Variants in ANKRD13C observed in about 807,000 individuals in gnomAD.
ANKRD13C encodes the protein ankyrin repeat domain 13C.
Under a neutral mutation model 65.5 loss-of-function variants are expected in ANKRD13C, and 16 were observed. The ratio of observed to expected loss-of-function variants is 0.24; its 90% CI spans 0.17 to 0.37. The LOEUF (loss-of-function observed/expected upper bound fraction) is 0.37, where lower values mean the gene tolerates loss of function less well. ANKRD13C is among the 10% of genes least tolerant of loss of function. The pLI, the probability that ANKRD13C is intolerant of heterozygous loss-of-function variation, is 1.00. For missense variants in ANKRD13C, 503 were observed against 655.9 expected, an observed-to-expected ratio of 0.77 and a Z score of 2.55; for synonymous variants, 235 against 238.7, an observed-to-expected ratio of 0.98 and a Z score of 0.14.
At chr1:70,288,712 TAG>T (rs1355869265) in intron 9 of ANKRD13C, among the ~76,000 whole-genome samples, 1 of 152,114 alleles carries the variant, frequency 6.6e-6, no homozygotes, top group Non-Finnish European at 1.5e-5. Context: ...AAGAACAGAT[TAG>T]TGATTGCCAG....
rs918268025 is a variant in ANKRD13C at position 70,327,912 on chromosome 1, A to G, written c.473-2955T>C. The stretch of plus-strand genomic sequence containing the variant: ...AAACCTGTCTCTACTAAAATACAAA[A>G]AAATTAGCCAGGCATGTTGGAACTG... On this transcript the variant is annotated intron_variant, in intron 2 of 12. Transcript: ENST00000370944. Among the ~76,000 whole-genome samples the G allele has an allele frequency of 1.1e-4, 16 of 152,164 alleles. No homozygotes were observed. The South Asian group carries it at 2.9e-3, about 28-fold the overall frequency.
At position 70,300,848 on chromosome 1, in the gene ANKRD13C, G is replaced by A; in HGVS notation, c.837C>T (p.Phe279=). 1 of 1,613,736 alleles carries A rather than the reference G, an allele frequency of 6.2e-7. No homozygotes were observed. The highest frequency in any genetic ancestry group is 1.6e-4 in the Middle Eastern group (1 of 6,062). Residue 279 remains phenylalanine, a synonymous_variant, in exon 7 of 13, where the codon TTC becomes TTT. Coordinates refer to ENST00000370944, the MANE Select transcript of ANKRD13C (RefSeq NM_030816.5). Reference sequence around the variant, plus strand: ...AGGGCGCCGCATCCCCATTGAAAATGAAGCTTAGATCCCCTCGTTGGCACT... The same window carrying A: ...AGGGCGCCGCATCCCCATTGAAAATAAAGCTTAGATCCCCTCGTTGGCACT... ...DMKCQRGDLS[F]IFNGDAAPSE...
intron 9 of ANKRD13C, among the ~76,000 whole-genome samples, chr1:70,282,569 A>G (rs1679444691): frequency 6.6e-6 from 1 of 152,184 alleles, no homozygotes; most frequent in African/African-American, 2.4e-5. Flanking sequence ...CATAACCAAT[A>G]CCAAATTCCA....
chr1:70,301,262 C>T (rs1352926923), intron 6 of ANKRD13C, among the ~76,000 whole-genome samples: 3 of 151,746 alleles, frequency 2.0e-5, no homozygotes, highest in Non-Finnish European at 4.4e-5. Flanking sequence ...AGATGTTTCC[C>T]CATATTTGGG....
At position 70,354,223 on chromosome 1, in the gene ANKRD13C, C is replaced by T. The variant is rs1313378955; in HGVS notation, c.186G>A (p.Gln62=). The T allele has an allele frequency of 3.7e-6, 6 of 1,613,680 alleles. No homozygotes were observed. Among genetic ancestry groups the T allele is most frequent in the Non-Finnish European group, 5.1e-6 (6 of 1,180,026 alleles). The change falls in exon 1 of 13, where the codon CAG becomes CAA. Residue 62 remains glutamine, a synonymous_variant. Transcript: ENST00000370944. ...TGGAGGAGGCCGGAGCTGCCTTCAGCTGTAGCCGGTGGTGATGGTTACTGA... is the reference window on the plus strand; with the variant it reads ...TGGAGGAGGCCGGAGCTGCCTTCAGTTGTAGCCGGTGGTGATGGTTACTGA... The part of the protein sequence containing the change: ...KIFSNHHHRL[Q]LKAAPASSNP...
At chr1:70,349,996 T>C (rs1479412074) in intron 1 of ANKRD13C, among the ~76,000 whole-genome samples, 1 of 151,898 alleles carries the variant, frequency 6.6e-6, no homozygotes, top group Non-Finnish European at 1.5e-5. Flanking sequence ...ATACAAAAAT[T>C]AGCCGGTGTG....
At chr1:70,328,629 T>G (rs1681652260) in intron 2 of ANKRD13C, among the ~76,000 whole-genome samples, 1 of 152,114 alleles carries the variant, frequency 6.6e-6, no homozygotes, top group African/African-American at 2.4e-5. Flanking sequence ...GCCATTACAC[T>G]CTGGCCTGGG....
At chr1:70,309,278 T>C (rs553710242) in intron 5 of ANKRD13C, among the ~76,000 whole-genome samples, 1 of 151,826 alleles carries the variant, frequency 6.6e-6, no homozygotes, top group African/African-American at 2.4e-5. Flanking sequence ...TTCACCATGT[T>C]GGCCAGGTTG....
chr1:70,304,067 G>A (rs113199649), intron 6 of ANKRD13C, among the ~76,000 whole-genome samples: 4 of 152,056 alleles, frequency 2.6e-5, no homozygotes, highest in African/African-American at 9.6e-5. Context: ...TGTGTGACAG[G>A]GACTCACTCT....
At chr1:70,323,454 C>T (rs377561430) in intron 3 of ANKRD13C, among the ~76,000 whole-genome samples, 2 of 151,976 alleles carry the variant, frequency 1.3e-5, no homozygotes, top group East Asian at 3.9e-4. Flanking sequence ...ACCAGCCTGA[C>T]CAACATGGTG....
intron 9 of ANKRD13C, among the ~76,000 whole-genome samples, chr1:70,278,146 G>A (rs1679221798): frequency 1.3e-5 from 2 of 150,504 alleles, no homozygotes; most frequent in African/African-American, 4.9e-5. Context: ...CCATGATTAT[G>A]CCACTGCACT....
At chr1:70,296,055 A>C (rs1297085901) in intron 8 of ANKRD13C, 75 bp downstream of exon 8, 7 of 1,531,304 alleles carry the variant, frequency 4.6e-6, no homozygotes, top group Non-Finnish European at 6.2e-6. Context: ...TACTTCTTGC[A>C]TTTCCATCAC....
chr1:70,305,446 T>TA (rs1271487929), intron 6 of ANKRD13C, among the ~76,000 whole-genome samples: 1 of 152,094 alleles, frequency 6.6e-6, no homozygotes, highest in Non-Finnish European at 1.5e-5. Flanking sequence ...TCTAGACCCT[T>TA]AAACTTTCAA....
chr1:70,319,850 T>G (rs922817415), intron 3 of ANKRD13C, among the ~76,000 whole-genome samples: 1 of 152,010 alleles, frequency 6.6e-6, no homozygotes, highest in Non-Finnish European at 1.5e-5. Context: ...CACAGAATAT[T>G]CACTGGTCTC....
intron 9 of ANKRD13C, among the ~76,000 whole-genome samples, chr1:70,287,947 C>A (rs989015606): frequency 4.6e-5 from 7 of 152,100 alleles, no homozygotes; most frequent in African/African-American, 1.7e-4. Flanking sequence ...TGAGTTGAGG[C>A]GGTCAAGGCT....
intron 12 of ANKRD13C, 32 bp downstream of exon 12, chr1:70,270,824 A>G: frequency 7.1e-7 from 1 of 1,412,742 alleles, no homozygotes; most frequent in Admixed American, 1.8e-5. Context: ...TTCCTAATGG[A>G]CACTAAAATT....
chr1:70,345,966 CTTTTTTCTAATACTTT>C (rs1682510208), intron 1 of ANKRD13C, among the ~76,000 whole-genome samples: 1 of 152,076 alleles, frequency 6.6e-6, no homozygotes, highest in Admixed American at 6.5e-5. Flanking sequence ...ACCCCTCAAA[CTTTTTTCTAATACTTT>C]TTTTTTCTAT....
chr1:70,318,715 G>A (rs193043926), intron 3 of ANKRD13C, among the ~76,000 whole-genome samples: 5 of 119,058 alleles, frequency 4.2e-5, no homozygotes, highest in Admixed American at 1.2e-4. Flanking sequence ...ACGGAGTCTC[G>A]CTCTGTCGCC....
rs1178302008 is a variant in ANKRD13C at position 70,339,595 on chromosome 1, AG to A, written c.431-3497del. Among the ~76,000 whole-genome samples the A allele has an allele frequency of 7.9e-5, 12 of 152,170 alleles. No homozygotes were observed. In the South Asian group the frequency reaches 8.3e-4, roughly 11 times the overall value. ...TGGCCTCCCAAAATGCTAGGATTAG[AG>A]GAGTGAGCCACCGCGCTCGGCCTTC... On this transcript the variant is annotated intron_variant, in intron 1 of 12. Transcript: ENST00000370944.
Sources: gnomAD v4.1 joint callset for allele counts (sites outside exome capture counted in the v4.1 genomes callset) on GRCh38, gnomAD v4.1.1 for gene constraint, MANE v1.5 for transcripts, NCBI Gene and HGNC (gene_info 2026-07-23, HGNC 2026-07-21) for gene names.